The following TP53I13 variants were observed in gnomAD, a reference collection of about 807,000 sequenced individuals.
TP53I13 encodes tumor protein p53-inducible protein 13.
A neutral mutation model predicts 39.1 loss-of-function variants in TP53I13; 27 were observed. The ratio of observed to expected loss-of-function variants is 0.69; its 90% CI spans 0.51 to 0.95. The LOEUF is 0.95. Among genes scored for constraint, TP53I13 ranks in the 40% least tolerant of loss-of-function variants. TP53I13 has a pLI of 0.00. For synonymous variants in TP53I13, 230 were observed against 224.6 expected (o/e 1.02, Z -0.22); for missense variants, 544 against 520.4 (o/e 1.05, Z -0.44).
Position 29,569,484 on chromosome 17 carries a change from G to C in TP53I13, c.183+125G>C, listed in dbSNP as rs2032844895. Reference sequence around the variant, plus strand: ...TACCACTTCCCTCAGGCAGAGGCAGGGTTCTAGTTCTCTGCCCCACCTCCA... The same window carrying C: ...TACCACTTCCCTCAGGCAGAGGCAGCGTTCTAGTTCTCTGCCCCACCTCCA... On this transcript the variant is annotated intron_variant, in intron 3 of 6. Coordinates refer to ENST00000301057, the MANE Select transcript of TP53I13 (RefSeq NM_138349.4). 4 of 932,816 alleles carry C rather than the reference G, an allele frequency of 4.3e-6. No homozygotes were observed. The Admixed American group carries it at 6.9e-5, about 16-fold the overall frequency. The allele number at this position is 932,816 out of a possible 1,614,324, so 57.8% of individuals were successfully genotyped here.
downstream of TP53I13, chr17:29,576,558 A>G: frequency 6.2e-7 from 1 of 1,613,882 alleles, no homozygotes; most frequent in Non-Finnish European, 8.5e-7. Flanking sequence ...CGCTCAGGCT[A>G]CTGTTGACCT....
intron 3 of TP53I13, chr17:29,570,344 C>G (rs1006392828): frequency 2.7e-5 from 4 of 150,216 alleles, no homozygotes; most frequent in Admixed American, 2.7e-4. Context: ...CCTGTCTCTA[C>G]TAAAAATACA....
downstream of TP53I13, chr17:29,576,067 C>T (rs753111437): frequency 1.2e-6 from 2 of 1,612,986 alleles, no homozygotes; most frequent in East Asian, 4.5e-5. Context: ...ACACGCCTTC[C>T]CCAGGCTTAC....
downstream of TP53I13, chr17:29,575,245 C>T (rs1474060535): frequency 1.3e-6 from 2 of 1,582,654 alleles, no homozygotes. This position sits in a 1 kb window ranked among gnomAD's most constrained non-coding sequence, Gnocchi z 5.5. Flanking sequence ...CCCTAGAAGC[C>T]AACAGGAACT....
At chr17:29,569,548 G>C (rs2032847548) in intron 3 of TP53I13, 189 bp downstream of exon 3, 2 of 566,160 alleles carry the variant, frequency 3.5e-6, no homozygotes, top group Non-Finnish European at 6.3e-6. Context: ...ATGGCTCAAA[G>C]ACAGTGAGCC....
the TP53I13 span, among the ~76,000 whole-genome samples, chr17:29,579,846 C>A: frequency 1.3e-5 from 2 of 152,282 alleles, no homozygotes; most frequent in South Asian, 4.1e-4. Flanking sequence ...GGTCAAGCAG[C>A]CTGCAAGTCA....
downstream of TP53I13, chr17:29,575,871 C>T (rs1309870186): frequency 3.1e-6 from 5 of 1,610,724 alleles, no homozygotes; most frequent in African/African-American, 1.3e-5. This position sits in a 1 kb window ranked among gnomAD's most constrained non-coding sequence, Gnocchi z 5.5. Flanking sequence ...GTGAAGGGCA[C>T]AGCTGAGGCA....
At chr17:29,569,701 C>G (rs1854647826) in intron 3 of TP53I13, 1 of 270,962 alleles carries the variant, frequency 3.7e-6, no homozygotes, top group African/African-American at 2.2e-5. Flanking sequence ...GGGAAGTCTC[C>G]TGACTTTGTG....
intron 3 of TP53I13, chr17:29,570,611 T>TG (rs1204213135): frequency 6.6e-6 from 1 of 152,246 alleles, no homozygotes; most frequent in Non-Finnish European, 1.5e-5. Flanking sequence ...GTCATTCCTC[T>TG]GTTCACAAAC....
At chr17:29,575,941 T>G (rs1290741283), downstream of TP53I13, 1 of 1,552,888 alleles carries the variant, frequency 6.4e-7, no homozygotes, top group Non-Finnish European at 8.8e-7. The surrounding 1 kb of genome is among the most constrained non-coding windows in gnomAD (Gnocchi z 5.5). Flanking sequence ...TGTGCCCCAC[T>G]GCCCCCCTGC....
chr17:29,577,774 C>T (rs186874578), downstream of TP53I13: 50 of 1,372,760 alleles, frequency 3.6e-5, no homozygotes, highest in Admixed American at 1.8e-4. Context: ...AGATCAGCCA[C>T]GGTGGCCAGG....
chr17:29,575,510 T>C (rs529383600), downstream of TP53I13: 25 of 1,581,044 alleles, frequency 1.6e-5, no homozygotes, highest in African/African-American at 1.4e-4. The surrounding 1 kb of genome is among the most constrained non-coding windows in gnomAD (Gnocchi z 5.5). Context: ...AAGATACATA[T>C]AGAGAAAGAC....
downstream of TP53I13, chr17:29,577,829 C>T: frequency 1.2e-6 from 1 of 809,310 alleles, no homozygotes; most frequent in South Asian, 1.4e-5. Context: ...GCCTTCCTAG[C>T]TGCCCCCACG....
the TP53I13 span, chr17:29,581,795 C>A: frequency 6.2e-7 from 1 of 1,612,552 alleles, no homozygotes; most frequent in Non-Finnish European, 8.5e-7. This position sits in a 1 kb window ranked among gnomAD's most constrained non-coding sequence, Gnocchi z 4.8. Flanking sequence ...CTCATATTGG[C>A]ACTCAACCAG....
the TP53I13 span, chr17:29,578,401 C>A: frequency 6.2e-7 from 1 of 1,605,708 alleles, no homozygotes; most frequent in South Asian, 1.1e-5. Flanking sequence ...CAGATGTTGT[C>A]AGATGCATCG....
chr17:29,582,158 A>T, the TP53I13 span: 5 of 1,538,930 alleles, frequency 3.2e-6, no homozygotes, highest in Admixed American at 1.9e-5. Flanking sequence ...AGAGGAGCAG[A>T]GTGTGCAGTG....
At chr17:29,567,998 C>A (rs1328865847), upstream of TP53I13, 1 of 152,026 alleles carries the variant, frequency 6.6e-6, no homozygotes, top group Non-Finnish European at 1.5e-5. This position sits in a 1 kb window ranked among gnomAD's most constrained non-coding sequence, Gnocchi z 6.6. Flanking sequence ...CTGTGGCGTC[C>A]CCATCTCGCG....
the TP53I13 span, chr17:29,578,810 G>T: frequency 6.2e-7 from 1 of 1,609,642 alleles, no homozygotes; most frequent in Non-Finnish European, 8.5e-7. Context: ...GAATTGGGAG[G>T]AGAGGAGAGA....
rs1232868370 is a variant in TP53I13 at position 29,568,747 on chromosome 17, G to T, written c.-12G>T. The T allele has an allele frequency of 3.2e-6, 5 of 1,564,908 alleles. No individual in the cohort carries two copies. The highest frequency in any genetic ancestry group is 1.4e-5 in the African/African-American group (1 of 71,744). On this transcript the variant is annotated 5_prime_UTR_variant, in exon 1 of 7. Coordinates refer to ENST00000301057, the MANE Select transcript of TP53I13 (RefSeq NM_138349.4). This position sits in a 1 kb window ranked among gnomAD's most constrained non-coding sequence, Gnocchi z 4.5. The stretch of plus-strand genomic sequence containing the variant: ...GCGGCTGGGCGGCGGGCCGGGCCCG[G>T]GGCCGCTTGGAATGGCGCCTCCTCC...
Sources: gnomAD v4.1 joint callset for allele counts (sites outside exome capture counted in the v4.1 genomes callset) on GRCh38, gnomAD v4.1.1 for gene constraint, Gnocchi (gnomAD v3.1) non-coding constraint, MANE v1.5 for transcripts, NCBI Gene and HGNC (gene_info 2026-07-23, HGNC 2026-07-21) for gene names.